The following ADAMTSL3 variants were observed in gnomAD, a reference collection of about 807,000 sequenced individuals.
ADAMTSL3 encodes the protein ADAMTS-like protein 3.
In ADAMTSL3, 128 loss-of-function variants were observed where a neutral mutation model predicts 201.7. The ratio of observed to expected loss-of-function variants is 0.63; its 90% CI spans 0.55 to 0.73. The LOEUF (loss-of-function observed/expected upper bound fraction) is 0.73. Among genes scored for constraint, ADAMTSL3 ranks in the 30% least tolerant of loss-of-function variants. The pLI, the probability that ADAMTSL3 is intolerant of heterozygous loss-of-function variation, is 0.00. For missense variants in ADAMTSL3, 1,990 were observed against 2,119.6 expected (o/e 0.94, Z 1.20); for synonymous variants, 738 against 748.4 (o/e 0.99, Z 0.23).
chr15:84,013,076 T>G (rs564729698), intron 23 of ADAMTSL3, among the ~76,000 whole-genome samples: 38 of 152,350 alleles, frequency 2.5e-4, no homozygotes, highest in African/African-American at 8.2e-4. Flanking sequence ...AATACTTCAG[T>G]GCCAATATCA....
chr15:83,799,176 A>C (rs2063479610), intron 4 of ADAMTSL3, among the ~76,000 whole-genome samples: 2 of 152,198 alleles, frequency 1.3e-5, no homozygotes, highest in Non-Finnish European at 2.9e-5. Context: ...TTGGAAGAGG[A>C]ATATGGAGGT....
chr15:83,749,553 G>A (rs1166779191), intron 3 of ADAMTSL3, among the ~76,000 whole-genome samples: 1 of 152,190 alleles, frequency 6.6e-6, no homozygotes, highest in Non-Finnish European at 1.5e-5. Flanking sequence ...ATGTTAGAGT[G>A]TTAGTAGGAC....
At chr15:83,815,618 G>A (rs564666606) in intron 5 of ADAMTSL3, among the ~76,000 whole-genome samples, 1 of 152,224 alleles carries the variant, frequency 6.6e-6, no homozygotes, top group African/African-American at 2.4e-5. Context: ...TGGGACATGG[G>A]ACCTAGCTGA....
chr15:83,955,834 A>G (rs1485240488), intron 19 of ADAMTSL3, among the ~76,000 whole-genome samples: 4 of 152,000 alleles, frequency 2.6e-5, no homozygotes, highest in African/African-American at 9.6e-5. Flanking sequence ...CCTCTCCTCA[A>G]GCAGAAGGAA....
chr15:83,707,659 T>C (rs1567087600), intron 3 of ADAMTSL3, among the ~76,000 whole-genome samples: 1 of 152,186 alleles, frequency 6.6e-6, no homozygotes, highest in Admixed American at 6.5e-5. Flanking sequence ...TACAGATTCA[T>C]TTTGCCTGCT....
At chr15:83,847,058 G>A (rs769365724) in intron 7 of ADAMTSL3, among the ~76,000 whole-genome samples, 2 of 152,184 alleles carry the variant, frequency 1.3e-5, no homozygotes, top group Non-Finnish European at 2.9e-5. Context: ...CAGGTTGGGA[G>A]CAGATGTTTC....
At chr15:83,837,880 A>G (rs993078957) in intron 6 of ADAMTSL3, among the ~76,000 whole-genome samples, 3 of 142,438 alleles carry the variant, frequency 2.1e-5, no homozygotes, top group African/African-American at 9.3e-5. Context: ...TTCAAATCTT[A>G]ATATTAATAT....
At chr15:83,675,506 A>C (rs918778335) in intron 2 of ADAMTSL3, among the ~76,000 whole-genome samples, 1 of 151,112 alleles carries the variant, frequency 6.6e-6, no homozygotes, top group African/African-American at 2.4e-5. Flanking sequence ...CTTTTTATAT[A>C]TATTGCTGAA....
chr15:84,032,440 T>C (rs1016704615), intron 28 of ADAMTSL3, among the ~76,000 whole-genome samples: 16 of 152,212 alleles, frequency 1.1e-4, no homozygotes, highest in African/African-American at 3.9e-4. Context: ...GGAAAATGTT[T>C]GGAACGGCTG....
chr15:83,936,097 A>T (rs187089617), intron 17 of ADAMTSL3, among the ~76,000 whole-genome samples: 2 of 152,236 alleles, frequency 1.3e-5, no homozygotes, highest in East Asian at 3.9e-4. Context: ...AAGATATTTA[A>T]TCTAAAAAAG....
intron 3 of ADAMTSL3, among the ~76,000 whole-genome samples, chr15:83,715,069 G>A (rs1425647464): frequency 1.3e-5 from 2 of 152,006 alleles, no homozygotes; most frequent in Non-Finnish European, 2.9e-5. Context: ...GTCAAACAGT[G>A]CACTCAGTTT....
In ADAMTSL3 at chr15:83,669,757, C is replaced by T. The variant is rs554554961; in HGVS notation, c.69+13927C>T. ...TGCTGGGATTACAGGTGTGAGCCAC[C>T]GCGCCCGGCCAGGAGTGAGTATTTT... On this transcript the variant is annotated intron_variant, in intron 2 of 29. Transcript: ENST00000286744. Among the ~76,000 whole-genome samples, 371 of 151,618 alleles carry T rather than the reference C, an allele frequency of 2.4e-3. 1 individual carries two copies. Among genetic ancestry groups the T allele is most frequent in the Admixed American group, 4.1e-3 (63 of 15,246 alleles).
At chr15:83,698,907 C>A (rs1190587645) in intron 2 of ADAMTSL3, among the ~76,000 whole-genome samples, 2 of 152,076 alleles carry the variant, frequency 1.3e-5, no homozygotes, top group African/African-American at 4.8e-5. Context: ...GACGCTAAAT[C>A]TTCCCATGAC....
intron 5 of ADAMTSL3, among the ~76,000 whole-genome samples, chr15:83,818,515 C>CG (rs2063803367): frequency 6.6e-6 from 1 of 152,062 alleles, no homozygotes; most frequent in Non-Finnish European, 1.5e-5. Context: ...TTCACAGAGA[C>CG]GGGGTTTCAC....
chr15:83,867,670 A>G (rs1226649369), intron 8 of ADAMTSL3, among the ~76,000 whole-genome samples: 1 of 152,236 alleles, frequency 6.6e-6, no homozygotes, highest in Non-Finnish European at 1.5e-5. Flanking sequence ...GCTCTACTGT[A>G]CATATAAGTT....
chr15:83,897,134 T>G (rs1382889346), intron 13 of ADAMTSL3, among the ~76,000 whole-genome samples: 1 of 152,104 alleles, frequency 6.6e-6, no homozygotes, highest in Non-Finnish European at 1.5e-5. Flanking sequence ...CAGATAAATT[T>G]GAAAAGCTAT....
chr15:83,945,078 C>T (rs1022750664), intron 19 of ADAMTSL3, among the ~76,000 whole-genome samples: 1 of 152,212 alleles, frequency 6.6e-6, no homozygotes, highest in African/African-American at 2.4e-5. Flanking sequence ...TGAAGGTCTA[C>T]ATAAACTTTC....
intron 3 of ADAMTSL3, among the ~76,000 whole-genome samples, chr15:83,735,626 A>T (rs570443367): frequency 6.6e-6 from 1 of 150,734 alleles, no homozygotes; most frequent in African/African-American, 2.4e-5. Flanking sequence ...AAAGCATACA[A>T]TTTTTTTGCT....
In ADAMTSL3 at chr15:83,773,507, G is replaced by C; in HGVS notation, c.190-16G>C. On this transcript the variant is annotated splice_polypyrimidine_tract_variant and intron_variant, in intron 3 of 29. Transcript: ENST00000286744. ...TGTGTGGTTTTTTTTTTGTTTGTTTGCTTTTTAACATCTAGACCTCAAGAA... is the reference window on the plus strand; with the variant it reads ...TGTGTGGTTTTTTTTTTGTTTGTTTCCTTTTTAACATCTAGACCTCAAGAA... 1.3e-6 allele frequency: 2 copies of C among 1,595,510 alleles called. No individual in the cohort carries two copies. Among genetic ancestry groups the C allele is most frequent in the Non-Finnish European group, 8.5e-7 (1 of 1,171,600 alleles).
Sources: gnomAD v4.1 joint callset for allele counts (sites outside exome capture counted in the v4.1 genomes callset) on GRCh38, gnomAD v4.1.1 for gene constraint, MANE v1.5 for transcripts, NCBI Gene and HGNC (gene_info 2026-07-23, HGNC 2026-07-21) for gene names.